The following ZNF132 variants were observed in gnomAD, a reference collection of about 807,000 sequenced individuals.
The protein encoded by ZNF132 is zinc finger protein 132 (clone pHZ-12).
In ZNF132, 6 loss-of-function variants were observed where a neutral mutation model predicts 9.3. That is an observed-to-expected ratio of 0.65 (90% CI 0.35 to 1.28). The LOEUF (loss-of-function observed/expected upper bound fraction) is 1.28, where lower values mean the gene tolerates loss of function less well. Ranked by LOEUF, ZNF132 falls within the 50% of genes most tolerant of loss-of-function variation. The probability of loss-of-function intolerance (pLI) is 0.03; values close to 1 mark genes in which losing one functional copy is unlikely to be tolerated. For synonymous variants in ZNF132, 296 were observed against 292.0 expected (o/e 1.01, Z -0.14); for missense variants, 877 against 843.2 (o/e 1.04, Z -0.50).
chr19:58,436,893 T>C, intron 2 of ZNF132, 154 bp downstream of exon 2: 1 of 1,004,718 alleles, frequency 1.0e-6, no homozygotes, highest in Non-Finnish European at 1.6e-6. Context: ...ACAGGGGAAG[T>C]ACACACAGCA....
chr19:58,436,686 A>G (rs1568597904), intron 2 of ZNF132, among the ~76,000 whole-genome samples: 1 of 151,200 alleles, frequency 6.6e-6, no homozygotes, highest in Admixed American at 6.6e-5. Context: ...AAAAAAAAAA[A>G]AAAAAAGGAA....
chr19:58,438,773 A>C (rs1244368819), intron 1 of ZNF132, among the ~76,000 whole-genome samples: 1 of 106,470 alleles, frequency 9.4e-6, no homozygotes, highest in African/African-American at 3.6e-5. Flanking sequence ...ACGCCCGGCA[A>C]TTTTTTTTTT....
chr19:58,434,259 T>A lies in ZNF132; in HGVS notation c.1185A>T (p.Lys395Asn). The change falls in exon 3 of 3, where the codon AAA becomes AAT. Residue 395 changes from lysine to asparagine, a missense_variant. By Grantham distance (94) the Lys-to-Asn change is moderately conservative (BLOSUM62 0). Transcript: ENST00000254166. The stretch of plus-strand genomic sequence containing the variant: ...CATAAGGTCTTACCTGTGTGTGAAC[T>A]TTCTGATGCCGAAGGAAATTGGAGC... ...SQSSNFLRHQ[K>N]VHTQVRPYEC... 1 of 1,614,190 alleles carries A rather than the reference T, an allele frequency of 6.2e-7. No individual in the cohort carries two copies. Among genetic ancestry groups the A allele is most frequent in the Non-Finnish European group, 8.5e-7 (1 of 1,180,034 alleles).
At position 58,434,553 on chromosome 19, in the gene ZNF132, C is replaced by T. The variant is rs2052761763; in HGVS notation, c.891G>A (p.Gly297=). The T allele has an allele frequency of 1.2e-6, 2 of 1,614,032 alleles. No individual in the cohort carries two copies. Among genetic ancestry groups the T allele is most frequent in the Non-Finnish European group, 1.7e-6 (2 of 1,180,038 alleles). The change falls in exon 3 of 3, where the codon GGG becomes GGA. Residue 297 remains glycine (G), a synonymous_variant. Coordinates refer to ENST00000254166, the MANE Select transcript of ZNF132 (RefSeq NM_003433.4). ...GCTTAGATGAGTGACTAAAGGCCTT[C>T]CCACACTCCTTACACACATGGGGTA... is the stretch of plus-strand genomic sequence containing the variant. ...GEIPHVCKEC[G]KAFSHSSKLR...
chr19:58,437,685 GT>G, intron 1 of ZNF132: 1 of 982,026 alleles, frequency 1.0e-6, no homozygotes, highest in Non-Finnish European at 1.2e-6. Flanking sequence ...TGTTCACACT[GT>G]AGGCATTCTC....
chr19:58,434,667 AGAGT>A lies in ZNF132; in HGVS notation c.773_776del (p.His258LeufsTer15). The A allele has an allele frequency of 6.2e-7, 1 of 1,614,238 alleles. No individual in the cohort carries two copies. The highest frequency in any genetic ancestry group is 8.5e-7 in the Non-Finnish European group (1 of 1,180,040). On this transcript the variant is annotated frameshift_variant, in exon 3 of 3. Coordinates refer to ENST00000254166, the MANE Select transcript of ZNF132 (RefSeq NM_003433.4). LOFTEE classifies it low-confidence loss of function (END_TRUNC). ...TTGGGCATGTAAATGGTATCTCTTCAGAGTGAGTTCTCAGATGGTTGGGGAGAGT... is the reference window on the plus strand; with the variant it reads ...TTGGGCATGTAAATGGTATCTCTTCAGAGTTCTCAGATGGTTGGGGAGAGT...
intron 1 of ZNF132, among the ~76,000 whole-genome samples, chr19:58,438,050 C>CA (rs2052782530): frequency 6.6e-6 from 1 of 152,146 alleles, no homozygotes; most frequent in African/African-American, 2.4e-5. Context: ...ACCAGCCTGA[C>CA]AAAAACCCCA....
At position 58,434,696 on chromosome 19, in the gene ZNF132, TG is replaced by T; in HGVS notation, c.747del (p.Thr250LeufsTer6). 1 of 1,614,010 alleles carries T rather than the reference TG, an allele frequency of 6.2e-7. No individual in the cohort carries two copies. Among genetic ancestry groups the T allele is most frequent in the Non-Finnish European group, 8.5e-7 (1 of 1,179,984 alleles). ...TGAGTTCTCAGATGGTTGGGGAGAG[TG>T]GAGCTCTTCAGGAAGGCTTTTCCAC... ...SNCGKAFLKS[S>X]TLPNHLRTHS... On this transcript the variant is annotated frameshift_variant, in exon 3 of 3. Transcript: ENST00000254166. LOFTEE classifies it low-confidence loss of function (END_TRUNC).
In ZNF132 at chr19:58,434,700, G is replaced by A. The variant is rs779412546; in HGVS notation, c.744C>T (p.Ser248=). Reference sequence around the variant, plus strand: ...TTCTCAGATGGTTGGGGAGAGTGGAGCTCTTCAGGAAGGCTTTTCCACAGT... The same window carrying A: ...TTCTCAGATGGTTGGGGAGAGTGGAACTCTTCAGGAAGGCTTTTCCACAGT... The part of the protein sequence containing the change: ...CSNCGKAFLK[S]STLPNHLRTH... Residue 248 remains serine (S), a synonymous_variant, in exon 3 of 3, where the codon AGC becomes AGT. Transcript: ENST00000254166. 6.2e-7 allele frequency: 1 copy of A among 1,614,182 alleles called. No individual in the cohort carries two copies. Among genetic ancestry groups the A allele is most frequent in the African/African-American group, 1.3e-5 (1 of 75,052 alleles).
chr19:58,436,782 ATC>A, intron 2 of ZNF132: 1 of 571,220 alleles, frequency 1.8e-6, no homozygotes, highest in South Asian at 1.7e-5. Flanking sequence ...TCTCAGTGGG[ATC>A]TGTTAGGCAG....
chr19:58,437,292 A>G, intron 1 of ZNF132, 77 bp from the exon 2 acceptor site: 1 of 1,450,474 alleles, frequency 6.9e-7, no homozygotes, highest in Non-Finnish European at 9.3e-7. Flanking sequence ...TGATACATCT[A>G]CCACTAATAT....
chr19:58,435,769 A>G (rs1366594111), intron 2 of ZNF132: 2 of 153,012 alleles, frequency 1.3e-5, no homozygotes, highest in Middle Eastern at 3.3e-3. Context: ...GACTGTTCAT[A>G]GCAGAATTTT....
chr19:58,433,249 T>C lies in ZNF132; in HGVS notation c.*74A>G. ...CAGTACATGTAGGTAATTTTTCTGG[T>C]ATGGGGATTCTGCTGCATGAAGTTT... On this transcript the variant is annotated 3_prime_UTR_variant, in exon 3 of 3. Coordinates refer to ENST00000254166, the MANE Select transcript of ZNF132 (RefSeq NM_003433.4). 6.8e-7 allele frequency: 1 copy of C among 1,472,218 alleles called. No homozygotes were observed. Among genetic ancestry groups the C allele is most frequent in the Non-Finnish European group, 9.2e-7 (1 of 1,086,998 alleles). The allele number at this position is 1,472,218 out of a possible 1,614,324, so 91.2% of individuals were successfully genotyped here. A position where few individuals can be genotyped will look rare whatever the true frequency, so the allele number is the denominator to read the frequency against.
chr19:58,435,095 C>T lies in ZNF132; in HGVS notation c.349G>A (p.Asp117Asn), dbSNP rs1222913417. ...DPSTKKANSC[D>N]MCGPFLKDIL... ...TCTTTCAAGAATGGCCCACACATGTCACAGGAGTTAGCTTTCTTGGTGGAA... is the reference window on the plus strand; with the variant it reads ...TCTTTCAAGAATGGCCCACACATGTTACAGGAGTTAGCTTTCTTGGTGGAA... The change falls in exon 3 of 3, where the codon GAC (aspartate) becomes AAC (asparagine). Residue 117 changes from aspartate to asparagine, a missense_variant. Physicochemically the swap from Asp to Asn is conservative, Grantham distance 23. Coordinates refer to ENST00000254166, the MANE Select transcript of ZNF132 (RefSeq NM_003433.4). The T allele has an allele frequency of 6.2e-7, 1 of 1,614,188 alleles. No individual in the cohort carries two copies. Among genetic ancestry groups the T allele is most frequent in the South Asian group, 1.1e-5 (1 of 91,076 alleles).
Position 58,434,268 on chromosome 19 carries a change from C to G in ZNF132, c.1176G>C (p.Arg392=). 6.2e-7 allele frequency: 1 copy of G among 1,613,120 alleles called. No individual in the cohort carries two copies. The highest frequency in any genetic ancestry group is 8.5e-7 in the Non-Finnish European group (1 of 1,179,820). The change falls in exon 3 of 3, where the codon CGG becomes CGC. Residue 392 remains arginine, a synonymous_variant. Coordinates refer to ENST00000254166, the MANE Select transcript of ZNF132 (RefSeq NM_003433.4). The part of the protein sequence containing the change: ...RAFSQSSNFL[R]HQKVHTQVRP... ...TTACCTGTGTGTGAACTTTCTGATG[C>G]CGAAGGAAATTGGAGCTTTGGCTGA...
In ZNF132 at chr19:58,434,689, G is replaced by A. The variant is rs1465789; in HGVS notation, c.755C>T (p.Pro252Leu). Residue 252 changes from proline (P) to leucine (L), a missense_variant, in exon 3 of 3, where the codon CCC becomes CTC. By Grantham distance (98) the Pro-to-Leu change is moderately conservative. Coordinates refer to ENST00000254166, the MANE Select transcript of ZNF132 (RefSeq NM_003433.4). The part of the protein sequence containing the change: ...GKAFLKSSTL[P>L]NHLRTHSEEI... ...TTCAGAGTGAGTTCTCAGATGGTTG[G>A]GGAGAGTGGAGCTCTTCAGGAAGGC... 0.48 allele frequency: 773,576 copies of A among 1,613,938 alleles called. 190,972 individuals carry two copies. The highest frequency in any genetic ancestry group is 0.77 in the African/African-American group (57,863 of 74,956).
Position 58,433,412 on chromosome 19 carries a change from T to C in ZNF132, c.2032A>G (p.Thr678Ala), listed in dbSNP as rs962130557. The change falls in exon 3 of 3, where the codon ACC (threonine) becomes GCC (alanine). Residue 678 changes from threonine (T) to alanine (A), a missense_variant. By Grantham distance (58) the Thr-to-Ala change is moderately conservative. Transcript: ENST00000254166. The part of the protein sequence containing the change: ...STLVRHQKVH[T>A]RERTYECSQC... ...CTACACTCATAAGTCCTTTCTCTGG[T>C]GTGAACTTTCTGGTGCCGAACAAGT... 1.9e-6 allele frequency: 3 copies of C among 1,614,230 alleles called. No homozygotes were observed. The highest frequency in any genetic ancestry group is 2.5e-6 in the Non-Finnish European group (3 of 1,180,042).
intron 2 of ZNF132, chr19:58,435,527 A>T (rs1429506884): frequency 4.2e-6 from 1 of 238,920 alleles, no homozygotes; most frequent in East Asian, 9.2e-5. Flanking sequence ...CAGCATCCTT[A>T]AACATGAGGA....
At position 58,433,732 on chromosome 19, in the gene ZNF132, T is replaced by G; in HGVS notation, c.1712A>C (p.Tyr571Ser). 1 of 1,614,084 alleles carries G rather than the reference T, an allele frequency of 6.2e-7. No homozygotes were observed. Among genetic ancestry groups the G allele is most frequent in the Non-Finnish European group, 8.5e-7 (1 of 1,179,930 alleles). ...HWRVHTKERP[Y>S]ECNECGKFFS... is the part of the protein sequence containing the mutation. ...GAATTTCCCACATTCATTGCACTCATAAGGCCTTTCTTTTGTGTGAACTCT... is the reference window on the plus strand; with the variant it reads ...GAATTTCCCACATTCATTGCACTCAGAAGGCCTTTCTTTTGTGTGAACTCT... Residue 571 changes from tyrosine to serine, a missense_variant, in exon 3 of 3, where the codon TAT becomes TCT. Transcript: ENST00000254166.
Sources: allele counts gnomAD v4.1 joint callset (sites outside exome capture counted in the v4.1 genomes callset), GRCh38; gene constraint gnomAD v4.1.1; transcripts MANE v1.5; gene names NCBI Gene and HGNC (gene_info 2026-07-23, HGNC 2026-07-21).